Variants in TGFA observed in about 807,000 individuals in gnomAD.
TGFA encodes the protein protransforming growth factor alpha.
In TGFA, 12 loss-of-function variants were observed where a neutral mutation model predicts 21.7. The ratio of observed to expected loss-of-function variants is 0.55; its 90% CI spans 0.35 to 0.90. The LOEUF is 0.90. Ranked by LOEUF, TGFA falls within the 40% of genes least tolerant of loss-of-function variation. The pLI is 0.01. For missense variants in TGFA, 178 were observed against 210.8 expected (o/e 0.84, Z 0.96); for synonymous variants, 79 against 88.1 (o/e 0.90, Z 0.58).
At chr2:70,514,315 G>T (rs1672196329) in intron 2 of TGFA, among the ~76,000 whole-genome samples, 1 of 151,912 alleles carries the variant, frequency 6.6e-6, no homozygotes, top group African/African-American at 2.4e-5. Flanking sequence ...TCAAACAGAG[G>T]TTGCTCCCCT....
rs1553489147 is a variant in TGFA at position 70,449,074 on chromosome 2, T to G, written c.*1785A>C. ...AGTAATTTAAAAACCTGGAGCTGTGTCAACTACGTTGCTAGGGGGTCAGCT... is the reference window on the plus strand; with the variant it reads ...AGTAATTTAAAAACCTGGAGCTGTGGCAACTACGTTGCTAGGGGGTCAGCT... On this transcript the variant is annotated 3_prime_UTR_variant, in exon 6 of 6. Coordinates refer to ENST00000295400, the MANE Select transcript of TGFA (RefSeq NM_003236.4). 2 of 152,218 alleles carry G rather than the reference T, an allele frequency of 1.3e-5. No homozygotes were observed. Among genetic ancestry groups the G allele is most frequent in the African/African-American group, 4.8e-5 (2 of 41,442 alleles). The allele number at this position is 152,218 out of a possible 1,614,324, so 9.4% of individuals were successfully genotyped here. A position where few individuals can be genotyped will look rare whatever the true frequency, so the allele number is the denominator to read the frequency against.
chr2:70,513,598 G>A (rs782074078), intron 2 of TGFA, among the ~76,000 whole-genome samples: 3 of 152,154 alleles, frequency 2.0e-5, no homozygotes, highest in Admixed American at 6.5e-5. Context: ...GGGTCCAAGC[G>A]CATCAAGGAT....
At chr2:70,511,751 C>T in intron 2 of TGFA, among the ~76,000 whole-genome samples, 1 of 152,032 alleles carries the variant, frequency 6.6e-6, no homozygotes. Context: ...GAGAATAGAT[C>T]AAAGAAAAAT....
At chr2:70,457,730 C>T (rs144314647) in intron 3 of TGFA, among the ~76,000 whole-genome samples, 1,523 of 151,998 alleles carry the variant, frequency 0.01, 25 homozygotes, top group African/African-American at 0.035. Flanking sequence ...TTAGTAGAGA[C>T]GGGGTTTCAC....
At chr2:70,534,368 ATTGT>A (rs1366937876) in intron 1 of TGFA, among the ~76,000 whole-genome samples, 1 of 152,106 alleles carries the variant, frequency 6.6e-6, no homozygotes, top group East Asian at 1.9e-4. Context: ...GCCTTCTGCC[ATTGT>A]TTGGGGGAAA....
intron 2 of TGFA, among the ~76,000 whole-genome samples, chr2:70,470,633 T>A (rs527919256): frequency 3.3e-5 from 5 of 151,804 alleles, no homozygotes; most frequent in Non-Finnish European, 5.9e-5. Flanking sequence ...GCCAGAAGAG[T>A]CCAAGCTGTG....
chr2:70,467,318 G>C (rs1364645208), intron 2 of TGFA: 1 of 152,214 alleles, frequency 6.6e-6, no homozygotes, highest in African/African-American at 2.4e-5. Context: ...AAAGAGCAGA[G>C]TAGGGGCTGA....
At chr2:70,538,002 G>A (rs1204360160) in intron 1 of TGFA, among the ~76,000 whole-genome samples, 1 of 152,170 alleles carries the variant, frequency 6.6e-6, no homozygotes, top group Non-Finnish European at 1.5e-5. Context: ...AATGCAGCTG[G>A]TGACTTTAGG....
At chr2:70,459,488 C>T (rs1670345733) in intron 3 of TGFA, among the ~76,000 whole-genome samples, 1 of 152,162 alleles carries the variant, frequency 6.6e-6, no homozygotes, top group African/African-American at 2.4e-5. Context: ...TTGGAAGATA[C>T]CCTGGGCTAG....
At position 70,456,452 on chromosome 2, in the gene TGFA, A is replaced by T; in HGVS notation, c.252T>A (p.His84Gln). The T allele has an allele frequency of 6.2e-7, 1 of 1,608,184 alleles. No individual in the cohort carries two copies. The highest frequency in any genetic ancestry group is 8.5e-7 in the Non-Finnish European group (1 of 1,177,560). Reference protein sequence around the residue: ...HSGYVGARCEHADLLAVVAAS... With the variant: ...HSGYVGARCEQADLLAVVAAS... ...CAGCCACCACGGCCAGGAGGTCCGC[A>T]TGCTCACAGCGTGCACCAACGTACC... The change falls in exon 4 of 6, where the codon CAT (histidine) becomes CAA (glutamine). Residue 84 changes from histidine to glutamine, a missense_variant. Coordinates refer to ENST00000295400, the MANE Select transcript of TGFA (RefSeq NM_003236.4).
At chr2:70,492,938 C>T (rs3771498) in intron 2 of TGFA, among the ~76,000 whole-genome samples, 80,167 of 151,974 alleles carry the variant, frequency 0.53, 21,322 homozygotes, top group East Asian at 0.61. Flanking sequence ...GGTTATAAGA[C>T]TAATTCATTC....
At chr2:70,471,673 A>T (rs1469210706) in intron 2 of TGFA, among the ~76,000 whole-genome samples, 4 of 151,980 alleles carry the variant, frequency 2.6e-5, no homozygotes, top group African/African-American at 9.7e-5. Flanking sequence ...AGGGACAGGG[A>T]TGTCACTTAT....
At chr2:70,504,546 AAAAAT>A (rs1671862392) in intron 2 of TGFA, among the ~76,000 whole-genome samples, 1 of 149,812 alleles carries the variant, frequency 6.7e-6, no homozygotes, top group Non-Finnish European at 1.5e-5. Flanking sequence ...GTGATAAGAT[AAAAAT>A]AAAAGCTTAT....
At chr2:70,553,456 GC>G (rs1482527661) in intron 1 of TGFA, 1 of 1,414,316 alleles carries the variant, frequency 7.1e-7, no homozygotes, top group African/African-American at 1.4e-5. Context: ...TAAAGTTCAA[GC>G]CCGTTCACAC....
intron 1 of TGFA, among the ~76,000 whole-genome samples, chr2:70,535,551 C>A (rs1553504260): frequency 6.6e-6 from 1 of 152,194 alleles, no homozygotes; most frequent in African/African-American, 2.4e-5. Flanking sequence ...TACATTAGGC[C>A]TAGTTCACAA....
At chr2:70,463,916 TC>T (rs1462178907) in intron 3 of TGFA, among the ~76,000 whole-genome samples, 3 of 152,206 alleles carry the variant, frequency 2.0e-5, no homozygotes, top group Non-Finnish European at 4.4e-5. Flanking sequence ...AATGACAGTG[TC>T]TATCATCATC....
intron 2 of TGFA, among the ~76,000 whole-genome samples, chr2:70,504,799 G>T (rs1216369024): frequency 2.6e-5 from 4 of 152,180 alleles, no homozygotes; most frequent in African/African-American, 9.7e-5. Flanking sequence ...AATAACACCT[G>T]TGGTCTGAGT....
intron 2 of TGFA, among the ~76,000 whole-genome samples, chr2:70,500,970 C>CAAAAAAAAAAA (rs34669349): frequency 1.4e-5 from 2 of 143,812 alleles, no homozygotes; most frequent in Non-Finnish European, 1.5e-5. Flanking sequence ...GGGCCATCTC[C>CAAAAAAAAAAA]AAAAAAAAAA....
At chr2:70,518,223 T>C (rs1372207331) in intron 1 of TGFA, among the ~76,000 whole-genome samples, 1 of 152,242 alleles carries the variant, frequency 6.6e-6, no homozygotes, top group African/African-American at 2.4e-5. Flanking sequence ...TCTAGGCCAC[T>C]CCTGCTGGCA....
Sources: allele counts gnomAD v4.1 joint callset (sites outside exome capture counted in the v4.1 genomes callset), GRCh38; gene constraint gnomAD v4.1.1; transcripts MANE v1.5; gene names NCBI Gene and HGNC (gene_info 2026-07-23, HGNC 2026-07-21).